The following CTNNA2 variants were observed in gnomAD, a reference collection of about 807,000 sequenced individuals.
The protein encoded by CTNNA2 is catenin alpha-2.
Under a neutral mutation model 101.0 loss-of-function variants are expected in CTNNA2, and 42 were observed. The observed-to-expected ratio is 0.42, with a 90% CI of 0.32 to 0.54. The LOEUF (loss-of-function observed/expected upper bound fraction) is 0.54, where lower values mean the gene tolerates loss of function less well. Among genes scored for constraint, CTNNA2 ranks in the 20% least tolerant of loss-of-function variants. The pLI is 0.14. For missense variants in CTNNA2, 871 were observed against 1,223.1 expected, an observed-to-expected ratio of 0.71 and a Z score of 4.29; for synonymous variants, 450 against 456.4, an observed-to-expected ratio of 0.99 and a Z score of 0.18.
intron 2 of CTNNA2, among the ~76,000 whole-genome samples, chr2:79,738,793 A>C (rs1671079226): frequency 6.6e-6 from 1 of 152,216 alleles, no homozygotes. Context: ...TGGGCTGAGA[A>C]ATGAATGGAA....
At chr2:80,115,236 C>T (rs866962945) in intron 7 of CTNNA2, among the ~76,000 whole-genome samples, 1 of 152,210 alleles carries the variant, frequency 6.6e-6, no homozygotes, top group Non-Finnish European at 1.5e-5. Flanking sequence ...GTGGGCCAGC[C>T]TTCATTGGCC....
chr2:80,642,629 C>T lies in CTNNA2; in HGVS notation c.2575-4956C>T, dbSNP rs568310176. On this transcript the variant is annotated intron_variant, in intron 18 of 18. Transcript: ENST00000402739. ...AAAGAATGTGGTTGACTTCTGCAGT[C>T]GAATTCTGTTTCTGTTGAAACTGAA... 3.9e-5 allele frequency among the ~76,000 whole-genome samples: 6 copies of T among 152,224 alleles called. 1 individual carries two copies. Among genetic ancestry groups the T allele is most frequent in the South Asian group, 4.1e-4 (2 of 4,820 alleles).
intron 1 of CTNNA2, among the ~76,000 whole-genome samples, chr2:79,604,273 G>T: frequency 6.6e-6 from 1 of 152,172 alleles, no homozygotes; most frequent in East Asian, 1.9e-4. Context: ...AAGGGAGGTG[G>T]GAAGATGGCA....
At chr2:80,162,202 A>G (rs1004057355) in intron 7 of CTNNA2, among the ~76,000 whole-genome samples, 24 of 152,192 alleles carry the variant, frequency 1.6e-4, no homozygotes, top group African/African-American at 5.1e-4. Context: ...GTCTAAAATG[A>G]TTAGGAATTG....
chr2:79,868,093 A>T (rs1682282435), intron 4 of CTNNA2, among the ~76,000 whole-genome samples: 2 of 152,186 alleles, frequency 1.3e-5, no homozygotes, highest in South Asian at 4.1e-4. Flanking sequence ...AACCTGACAC[A>T]TGGCAGTTCC....
intron 1 of CTNNA2, among the ~76,000 whole-genome samples, chr2:79,549,615 A>G (rs1673963785): frequency 6.6e-6 from 1 of 152,208 alleles, no homozygotes; most frequent in Admixed American, 6.5e-5. Context: ...ATGGCTAAAT[A>G]CATGAAGCTA....
At chr2:79,917,277 C>T (rs1229784047) in intron 7 of CTNNA2, among the ~76,000 whole-genome samples, 1 of 151,872 alleles carries the variant, frequency 6.6e-6, no homozygotes, top group Non-Finnish European at 1.5e-5. Context: ...AGCATGTTGG[C>T]CAGGATGGTC....
chr2:80,054,979 C>A (rs991103647), intron 7 of CTNNA2, among the ~76,000 whole-genome samples: 1 of 152,008 alleles, frequency 6.6e-6, no homozygotes, highest in South Asian at 2.1e-4. Context: ...TTAAATTAAA[C>A]TGTACTTTTA....
At chr2:80,626,806 C>T (rs1373132937) in intron 18 of CTNNA2, among the ~76,000 whole-genome samples, 2 of 151,942 alleles carry the variant, frequency 1.3e-5, no homozygotes, top group Admixed American at 1.3e-4. Flanking sequence ...TGGTGGTTTG[C>T]TGCACCCATC....
intron 7 of CTNNA2, among the ~76,000 whole-genome samples, chr2:80,197,292 G>A (rs542652019): frequency 2.0e-5 from 3 of 152,146 alleles, no homozygotes; most frequent in Non-Finnish European, 4.4e-5. Context: ...TTGTAGAGTA[G>A]GTTGGTTTGT....
chr2:79,651,006 G>T (rs1320840255), intron 1 of CTNNA2, among the ~76,000 whole-genome samples: 2 of 152,004 alleles, frequency 1.3e-5, no homozygotes, highest in Non-Finnish European at 2.9e-5. Flanking sequence ...ATGTTAAAAA[G>T]TCAGGAAACA....
At chr2:80,411,658 G>T (rs774585505) in intron 8 of CTNNA2, among the ~76,000 whole-genome samples, 7 of 152,182 alleles carry the variant, frequency 4.6e-5, no homozygotes. Context: ...ACAAGTGACA[G>T]CTTGTGTATG....
At chr2:80,587,336 T>G (rs1696063713) in intron 14 of CTNNA2, among the ~76,000 whole-genome samples, 1 of 152,132 alleles carries the variant, frequency 6.6e-6, no homozygotes, top group Non-Finnish European at 1.5e-5. Context: ...GCCCATCCCT[T>G]TCCCTATAGC....
At chr2:79,301,296 CT>C (rs1331618657) in intron 2 of CTNNA2, among the ~76,000 whole-genome samples, 3 of 152,286 alleles carry the variant, frequency 2.0e-5, no homozygotes, top group Admixed American at 1.3e-4. Flanking sequence ...TTTGCCACCC[CT>C]GGCATAGAAT....
At chr2:80,600,799 C>T (rs990929603) in intron 15 of CTNNA2, among the ~76,000 whole-genome samples, 2 of 152,042 alleles carry the variant, frequency 1.3e-5, no homozygotes, top group African/African-American at 2.4e-5. Flanking sequence ...TGGTCTTGAG[C>T]CCCTGGCAAG....
At chr2:80,403,329 C>T (rs1458596830) in intron 8 of CTNNA2, among the ~76,000 whole-genome samples, 1 of 152,188 alleles carries the variant, frequency 6.6e-6, no homozygotes, top group Non-Finnish European at 1.5e-5. Flanking sequence ...GTCTCAATGT[C>T]AGATGGCTTT....
chr2:79,428,351 G>A (rs887733553), intron 4 of CTNNA2, among the ~76,000 whole-genome samples: 1 of 151,876 alleles, frequency 6.6e-6, no homozygotes, highest in Non-Finnish European at 1.5e-5. Flanking sequence ...GCTCAGTAAG[G>A]CTCCACTCAC....
rs116228426 is a variant in CTNNA2 at position 79,685,105 on chromosome 2, A to T, written c.102+33447A>T. ...ATTTCCTGATATTAAATATTCCTTT[A>T]CTCTGTAATTAAAATTGCTAATTTA... On this transcript the variant is annotated intron_variant, in intron 2 of 18. Coordinates refer to ENST00000402739, the MANE Select transcript of CTNNA2 (RefSeq NM_001282597.3). Among the ~76,000 whole-genome samples the T allele has an allele frequency of 1.7e-3, 264 of 152,222 alleles. 1 individual carries two copies. The highest frequency in any genetic ancestry group is 6.2e-3 in the African/African-American group (257 of 41,530).
At chr2:79,814,605 G>GTA (rs1173982465) in intron 3 of CTNNA2, among the ~76,000 whole-genome samples, 4 of 112,632 alleles carry the variant, frequency 3.6e-5, no homozygotes, top group South Asian at 5.8e-4. Flanking sequence ...ATATATGTGT[G>GTA]TATACACACA....
Sources: gnomAD v4.1 joint callset for allele counts (sites outside exome capture counted in the v4.1 genomes callset) on GRCh38, gnomAD v4.1.1 for gene constraint, MANE v1.5 for transcripts, NCBI Gene and HGNC (gene_info 2026-07-23, HGNC 2026-07-21) for gene names.